Variants in ARHGAP20 observed in about 807,000 individuals in gnomAD.
ARHGAP20 encodes the protein Rho GTPase activating protein 20.
Under a neutral mutation model 73.7 loss-of-function variants are expected in ARHGAP20, and 34 were observed. That is an observed-to-expected ratio of 0.46 (90% CI 0.35 to 0.61). ARHGAP20 has a LOEUF of 0.61. Ranked by LOEUF, ARHGAP20 falls within the 20% of genes least tolerant of loss-of-function variation. ARHGAP20 has a pLI of 0.00. For synonymous variants in ARHGAP20, 523 were observed against 518.2 expected, an observed-to-expected ratio of 1.01 and a Z score of -0.13; for missense variants, 1,314 against 1,420.9, an observed-to-expected ratio of 0.92 and a Z score of 1.21.
chr11:110,579,870 G>A lies in ARHGAP20; in HGVS notation c.3076C>T (p.Gln1026Ter). 1 of 1,614,238 alleles carries A rather than the reference G, an allele frequency of 6.2e-7. No individual in the cohort carries two copies. Among genetic ancestry groups the A allele is most frequent in the Non-Finnish European group, 8.5e-7 (1 of 1,180,048 alleles). Residue 1026 changes from glutamine (Q) to a stop codon, truncating the protein, a stop_gained, in exon 15 of 15, where the codon CAA (glutamine) becomes TAA (stop). Transcript: ENST00000683387. LOFTEE classifies it low-confidence loss of function (END_TRUNC). ...GGATGAAGAGTTACAGAATGCATTT[G>A]TGAATGCCACTCCATGGTGTCCTTC... ...TKKDTMEWHS[Q>*]MHSVTLHPST...
In ARHGAP20 at chr11:110,665,809, C is replaced by T. The variant is rs578189559; in HGVS notation, c.188+24738G>A. On this transcript the variant is annotated intron_variant, in intron 2 of 14. Coordinates refer to ENST00000683387, the MANE Select transcript of ARHGAP20 (RefSeq NM_001384657.1). ...AAGCAGGTAGGACAATACTCTAAAACTCATAGGGCTGGGAAGAATTCATGT... is the reference window on the plus strand; with the variant it reads ...AAGCAGGTAGGACAATACTCTAAAATTCATAGGGCTGGGAAGAATTCATGT... Among the ~76,000 whole-genome samples, 17 of 152,252 alleles carry T rather than the reference C, an allele frequency of 1.1e-4. No individual in the cohort carries two copies. The Middle Eastern group carries it at 0.01, about 91-fold the overall frequency.
chr11:110,697,085 C>T (rs2135131368), intron 1 of ARHGAP20, among the ~76,000 whole-genome samples: 1 of 151,590 alleles, frequency 6.6e-6, no homozygotes, highest in African/African-American at 2.4e-5. Context: ...ATAATGATTT[C>T]TTTTCCTTTG....
chr11:110,692,183 G>A (rs764995787), intron 1 of ARHGAP20, among the ~76,000 whole-genome samples: 1 of 152,068 alleles, frequency 6.6e-6, no homozygotes, highest in Non-Finnish European at 1.5e-5. Flanking sequence ...CCTTAGGCTA[G>A]TGTGACTGCA....
chr11:110,585,580 A>C (rs945587627), intron 12 of ARHGAP20, among the ~76,000 whole-genome samples: 7 of 152,182 alleles, frequency 4.6e-5, no homozygotes, highest in African/African-American at 1.2e-4. Flanking sequence ...CTTTTTGTTA[A>C]GGGACATTTC....
chr11:110,615,894 C>G (rs1274439498), intron 4 of ARHGAP20, among the ~76,000 whole-genome samples: 2 of 152,022 alleles, frequency 1.3e-5, no homozygotes, highest in African/African-American at 4.8e-5. Flanking sequence ...GAGAGAGTTC[C>G]TATAGTGGAA....
chr11:110,681,298 T>C (rs572318437), intron 2 of ARHGAP20, among the ~76,000 whole-genome samples: 1 of 152,336 alleles, frequency 6.6e-6, no homozygotes, highest in East Asian at 1.9e-4. Context: ...TTAAGTCTTA[T>C]ACCAAGAAAC....
At chr11:110,582,149 C>G (rs1216937947) in intron 14 of ARHGAP20, among the ~76,000 whole-genome samples, 172 bp downstream of exon 14, 1 of 152,132 alleles carries the variant, frequency 6.6e-6, no homozygotes, top group Non-Finnish European at 1.5e-5. Flanking sequence ...ATATGCTGAC[C>G]TATTGGCAGG....
chr11:110,688,936 A>C (rs1053640242), intron 2 of ARHGAP20, among the ~76,000 whole-genome samples: 2 of 151,872 alleles, frequency 1.3e-5, no homozygotes, highest in Non-Finnish European at 2.9e-5. Flanking sequence ...TGTACATGTC[A>C]CTTGTTGGGA....
At chr11:110,616,104 A>G (rs989951214) in intron 4 of ARHGAP20, among the ~76,000 whole-genome samples, 5 of 152,124 alleles carry the variant, frequency 3.3e-5, no homozygotes, top group Non-Finnish European at 7.3e-5. Flanking sequence ...TTGGCATGTG[A>G]ATGGAAATCT....
chr11:110,663,880 T>C (rs900245883), intron 2 of ARHGAP20, among the ~76,000 whole-genome samples: 5 of 152,086 alleles, frequency 3.3e-5, no homozygotes, highest in Admixed American at 2.0e-4. Context: ...AATACAACAA[T>C]ATATGAAAAG....
chr11:110,578,816 G>A lies in ARHGAP20; in HGVS notation c.*554C>T. ...CTGGTTCTTGGAATGATTCTGTAAG[G>A]ACACGTGATTAGTAAGATCCCACAA... On this transcript the variant is annotated 3_prime_UTR_variant, in exon 15 of 15. Transcript: ENST00000683387. 2.0e-6 allele frequency: 2 copies of A among 985,846 alleles called. No homozygotes were observed. The highest frequency in any genetic ancestry group is 2.4e-6 in the Non-Finnish European group (2 of 830,024). The allele number at this position is 985,846 out of a possible 1,614,324, so 61.1% of individuals were successfully genotyped here. A position where few individuals can be genotyped will look rare whatever the true frequency, so the allele number is the denominator to read the frequency against.
intron 2 of ARHGAP20, among the ~76,000 whole-genome samples, chr11:110,647,109 T>A (rs576133478): frequency 2.0e-5 from 3 of 152,202 alleles, no homozygotes; most frequent in African/African-American, 4.8e-5. Flanking sequence ...AGTTTTATTC[T>A]GGAAATATTT....
At chr11:110,581,368 T>G in intron 14 of ARHGAP20, 143 bp from the exon 15 acceptor site, 1 of 988,828 alleles carries the variant, frequency 1.0e-6, no homozygotes, top group Non-Finnish European at 1.4e-6. Context: ...TCTCAATTGT[T>G]AGTGAAGAAT....
rs1780809626 is a variant in ARHGAP20, at chr11:110,640,706, CAA to C, written c.189-9916_189-9915del. On this transcript the variant is annotated intron_variant, in intron 2 of 14. Coordinates refer to ENST00000683387, the MANE Select transcript of ARHGAP20 (RefSeq NM_001384657.1). ...AGAAAATAACATGTAGTGATTATAA[CAA>C]TGTGATTGTATGTAATATGTACTGT... 3.1e-5 allele frequency among the ~76,000 whole-genome samples: 4 copies of C among 128,442 alleles called. No individual in the cohort carries two copies. In the South Asian group the frequency reaches 9.6e-4, roughly 31 times the overall value. 84.3% of individuals were successfully genotyped at this position (128,442 alleles called of 152,430 possible).
chr11:110,686,535 C>A (rs960822867), intron 2 of ARHGAP20, among the ~76,000 whole-genome samples: 6 of 152,050 alleles, frequency 3.9e-5, no homozygotes, highest in Non-Finnish European at 8.8e-5. Flanking sequence ...ATTGTAAATA[C>A]TTCCTTAAAA....
chr11:110,665,472 C>A (rs1042791136), intron 2 of ARHGAP20, among the ~76,000 whole-genome samples: 1 of 151,844 alleles, frequency 6.6e-6, no homozygotes, highest in African/African-American at 2.4e-5. Context: ...AAACACAGAA[C>A]AATGATTCCT....
Position 110,690,542 on chromosome 11 carries a change from C to T in ARHGAP20, c.188+5G>A, listed in dbSNP as rs778053525. The T allele has an allele frequency of 6.8e-6, 11 of 1,612,928 alleles. No homozygotes were observed. The highest frequency in any genetic ancestry group is 2.2e-5 in the East Asian group (1 of 44,846). ...TGAATGTGTAATACAAAGCTTTGCA[C>T]TTACCTGGTAGTAGGCCGTTTTTGT... On this transcript the variant is annotated splice_donor_5th_base_variant and intron_variant, in intron 2 of 14. Coordinates refer to ENST00000683387, the MANE Select transcript of ARHGAP20 (RefSeq NM_001384657.1).
intron 9 of ARHGAP20, among the ~76,000 whole-genome samples, chr11:110,605,209 A>G (rs1219869663): frequency 6.6e-6 from 1 of 152,186 alleles, no homozygotes; most frequent in East Asian, 1.9e-4. Context: ...AGATGGAGAA[A>G]GTGGTAGAGT....
intron 2 of ARHGAP20, among the ~76,000 whole-genome samples, chr11:110,665,622 C>T (rs1441171675): frequency 2.0e-5 from 3 of 152,068 alleles, no homozygotes; most frequent in Non-Finnish European, 4.4e-5. Context: ...TCAAGGAGGC[C>T]AACTTAGATA....
Sources: allele counts gnomAD v4.1 joint callset (sites outside exome capture counted in the v4.1 genomes callset), GRCh38; gene constraint gnomAD v4.1.1; transcripts MANE v1.5; gene names NCBI Gene and HGNC (gene_info 2026-07-23, HGNC 2026-07-21).